Variants in NOL4L observed in about 807,000 individuals in gnomAD.
NOL4L encodes nucleolar protein 4-like.
In NOL4L, 7 loss-of-function variants were observed where a neutral mutation model predicts 64.5. That is an observed-to-expected ratio of 0.11 (90% confidence interval 0.06 to 0.20). The LOEUF (loss-of-function observed/expected upper bound fraction) is 0.20, where lower values mean the gene tolerates loss of function less well. Among genes scored for constraint, NOL4L ranks in the 10% least tolerant of loss-of-function variants. NOL4L has a pLI of 1.00. For synonymous variants in NOL4L, 413 were observed against 401.0 expected, an observed-to-expected ratio of 1.03 and a Z score of -0.36; for missense variants, 680 against 967.1, an observed-to-expected ratio of 0.70 and a Z score of 3.94.
chr20:32,472,028 C>T (rs988588430), intron 5 of NOL4L, among the ~76,000 whole-genome samples: 1 of 152,196 alleles, frequency 6.6e-6, no homozygotes, highest in Admixed American at 6.5e-5. Context: ...CGGACCAACA[C>T]AGGTGTGTCA....
chr20:32,488,817 CTTTCTT>C (rs2016280760), intron 4 of NOL4L, among the ~76,000 whole-genome samples: 2 of 23,954 alleles, frequency 8.3e-5, no homozygotes, highest in Non-Finnish European at 1.4e-4. Flanking sequence ...TTCTTTCTTT[CTTTCTT>C]TCTTTTTCTT....
At chr20:32,502,866 C>T (rs949854714) in intron 4 of NOL4L, among the ~76,000 whole-genome samples, 4 of 152,164 alleles carry the variant, frequency 2.6e-5, no homozygotes, top group African/African-American at 9.7e-5. Context: ...GCCGAGATCA[C>T]ATCATTGCAC....
intron 5 of NOL4L, among the ~76,000 whole-genome samples, chr20:32,466,608 T>G (rs2014579300): frequency 6.7e-6 from 1 of 148,760 alleles, no homozygotes; most frequent in Non-Finnish European, 1.5e-5. Flanking sequence ...CTGTTGTGGG[T>G]ATTTGGAGCC....
chr20:32,512,775 T>C, intron 3 of NOL4L, among the ~76,000 whole-genome samples: 1 of 152,238 alleles, frequency 6.6e-6, no homozygotes, highest in East Asian at 1.9e-4. Flanking sequence ...AGAATTTTTA[T>C]GGCCATGTAA....
chr20:32,584,133 G>GCACA (rs745461984), intron 1 of NOL4L, among the ~76,000 whole-genome samples: 4,456 of 88,646 alleles, frequency 0.05, 232 homozygotes, highest in African/African-American at 0.12. Context: ...CTCCGCGCGC[G>GCACA]CACACACACA....
chr20:32,584,554 C>CCG lies in NOL4L; in HGVS notation c.321+14_321+15dup. The stretch of plus-strand genomic sequence containing the variant: ...CCGCGGCGGGACCCGCCCGCGGCCG[C>CCG]CGCGCGCGCACTCACCGAGCCCGTC... On this transcript the variant is annotated intron_variant, in intron 1 of 10. Coordinates refer to ENST00000621426, the MANE Select transcript of NOL4L (RefSeq NM_001256798.2). 1 of 1,326,112 alleles carries CCG rather than the reference C, an allele frequency of 7.5e-7. No individual in the cohort carries two copies. Among genetic ancestry groups the CCG allele is most frequent in the South Asian group, 2.2e-5 (1 of 45,218 alleles). 82.1% of individuals were successfully genotyped at this position (1,326,112 alleles called of 1,614,324 possible). A position where few individuals can be genotyped will look rare whatever the true frequency, so the allele number is the denominator to read the frequency against.
rs74339284 is a variant in NOL4L, at chr20:32,463,492, C to T, written c.842-7097G>A. 0.026 allele frequency among the ~76,000 whole-genome samples: 3,904 copies of T among 152,298 alleles called. 174 individuals are homozygous for T. Among genetic ancestry groups the T allele is most frequent in the African/African-American group, 0.09 (3,721 of 41,538 alleles). ...CTCAGCATTTCCACAAAACCAGGCCCTCCCCACTGTGGCAAAGGGCGACTC... is the reference window on the plus strand; with the variant it reads ...CTCAGCATTTCCACAAAACCAGGCCTTCCCCACTGTGGCAAAGGGCGACTC... On this transcript the variant is annotated intron_variant, in intron 5 of 10. Coordinates refer to ENST00000621426, the MANE Select transcript of NOL4L (RefSeq NM_001256798.2). This position sits in a 1 kb window ranked among gnomAD's most constrained non-coding sequence, Gnocchi z 5.8.
chr20:32,476,956 C>A (rs1216431540), intron 4 of NOL4L, among the ~76,000 whole-genome samples: 1 of 152,230 alleles, frequency 6.6e-6, no homozygotes, highest in East Asian at 1.9e-4. Flanking sequence ...AAGTGGGGCA[C>A]AAGCTGCTGG....
At chr20:32,548,000 A>G (rs1233185943) in intron 1 of NOL4L, among the ~76,000 whole-genome samples, 2 of 151,508 alleles carry the variant, frequency 1.3e-5, no homozygotes, top group African/African-American at 4.9e-5. Context: ...CCTTCCCCCA[A>G]CCCCCAACCC....
At position 32,453,919 on chromosome 20, in the gene NOL4L, C is replaced by T; in HGVS notation, c.1120-158G>A. The T allele has an allele frequency of 1.5e-6, 1 of 658,880 alleles. No individual in the cohort carries two copies. Among genetic ancestry groups the T allele is most frequent in the South Asian group, 1.9e-5 (1 of 53,562 alleles). 40.8% of individuals were successfully genotyped at this position (658,880 alleles called of 1,614,324 possible). On this transcript the variant is annotated intron_variant, in intron 6 of 10. Transcript: ENST00000621426. The surrounding 1 kb of genome is among the most constrained non-coding windows in gnomAD (Gnocchi z 5.6). ...GCCCTGAGCAAGTCACTCCCCTCTT[C>T]TGCTCCCTTCATCTGTGCAATGGGG...
intron 4 of NOL4L, among the ~76,000 whole-genome samples, chr20:32,488,825 CTT>C (rs55880789): frequency 0.39 from 14,271 of 36,764 alleles, 2,410 homozygotes; most frequent in East Asian, 0.6. Flanking sequence ...TTCTTTCTTT[CTT>C]TTTCTTTCTT....
chr20:32,560,926 G>A (rs1978972815), intron 1 of NOL4L, among the ~76,000 whole-genome samples: 1 of 152,250 alleles, frequency 6.6e-6, no homozygotes, highest in African/African-American at 2.4e-5. Flanking sequence ...CTGCCGGAGG[G>A]GCCTCATGTC....
intron 4 of NOL4L, among the ~76,000 whole-genome samples, chr20:32,487,668 G>A (rs1045894127): frequency 6.6e-5 from 10 of 152,206 alleles, no homozygotes; most frequent in Admixed American, 1.3e-4. Flanking sequence ...AACATCCCCC[G>A]TGAGGTGTGT....
At chr20:32,523,698 C>A (rs962861804) in intron 2 of NOL4L, among the ~76,000 whole-genome samples, 2 of 152,184 alleles carry the variant, frequency 1.3e-5, no homozygotes, top group Admixed American at 6.5e-5. Context: ...GTTCCAGGAC[C>A]CTTGTCCCTG....
rs766940645 is a variant in NOL4L at position 32,447,674 on chromosome 20, G to A, written c.1965C>T (p.Ile655=). 3.1e-6 allele frequency: 5 copies of A among 1,611,632 alleles called. No homozygotes were observed. The highest frequency in any genetic ancestry group is 2.2e-5 in the South Asian group (2 of 90,992). Residue 655 remains isoleucine, a synonymous_variant, in exon 11 of 11, where the codon ATC becomes ATT. Coordinates refer to ENST00000621426, the MANE Select transcript of NOL4L (RefSeq NM_001256798.2). ...PTEISAVRQL[I]AGYRESAAFL... is the part of the protein sequence containing the mutation. ...AGGCAGCAGACTCCCGGTAGCCCGC[G>A]ATGAGCTGCCGCACGGCGCTGATCT...
chr20:32,553,219 C>T (rs1404228604), intron 1 of NOL4L, among the ~76,000 whole-genome samples: 7 of 152,148 alleles, frequency 4.6e-5, no homozygotes, highest in Non-Finnish European at 8.8e-5. Flanking sequence ...CAGCCTTTCT[C>T]CCTGGTTCAC....
chr20:32,537,418 C>T (rs1164945295), intron 1 of NOL4L, among the ~76,000 whole-genome samples: 1 of 152,260 alleles, frequency 6.6e-6, no homozygotes, highest in Non-Finnish European at 1.5e-5. Flanking sequence ...GGTGCACCTA[C>T]TGTGTGCCAA....
intron 2 of NOL4L, among the ~76,000 whole-genome samples, chr20:32,526,300 A>C (rs2018130153): frequency 6.6e-6 from 1 of 151,910 alleles, no homozygotes; most frequent in African/African-American, 2.4e-5. Flanking sequence ...TGGTGGAAAT[A>C]CCCTCAGAAC....
At chr20:32,494,152 C>A (rs769268514) in intron 4 of NOL4L, among the ~76,000 whole-genome samples, 1 of 147,766 alleles carries the variant, frequency 6.8e-6, no homozygotes, top group East Asian at 2.0e-4. Context: ...ACTTGGGAGG[C>A]TGAGACAGGA....
Sources: allele counts gnomAD v4.1 joint callset (sites outside exome capture counted in the v4.1 genomes callset), GRCh38; gene constraint gnomAD v4.1.1; non-coding constraint Gnocchi (gnomAD v3.1); transcripts MANE v1.5; gene names NCBI Gene and HGNC (gene_info 2026-07-23, HGNC 2026-07-21).